Variants in MYT1L observed in about 807,000 individuals in gnomAD.
MYT1L encodes the protein myelin transcription factor 1-like protein.
In MYT1L, 12 loss-of-function variants were observed where a neutral mutation model predicts 126.7. The observed-to-expected ratio is 0.09, with a 90% CI of 0.06 to 0.15. MYT1L has a LOEUF of 0.15. Ranked by LOEUF, MYT1L falls within the 10% of genes least tolerant of loss-of-function variation. The probability of loss-of-function intolerance (pLI) is 1.00; values close to 1 mark genes in which losing one functional copy is unlikely to be tolerated. For synonymous variants in MYT1L, 541 were observed against 604.2 expected (o/e 0.90, Z 1.53); for missense variants, 979 against 1,585.2 (o/e 0.62, Z 6.49).
At chr2:2,135,118 C>G (rs1276873116) in intron 3 of MYT1L, among the ~76,000 whole-genome samples, 4 of 152,162 alleles carry the variant, frequency 2.6e-5, no homozygotes, top group Non-Finnish European at 5.9e-5. Flanking sequence ...ATCAAGCTAT[C>G]TGTGTGATAT....
At chr2:1,892,015 C>T (rs1437945718) in intron 15 of MYT1L, 22 bp downstream of exon 15, 2 of 1,491,336 alleles carry the variant, frequency 1.3e-6, no homozygotes. Context: ...CCAGGTGGCT[C>T]CACCTGCCCA....
chr2:1,934,055 A>G (rs1355588751), intron 9 of MYT1L, among the ~76,000 whole-genome samples: 3 of 148,604 alleles, frequency 2.0e-5, no homozygotes, highest in Admixed American at 6.7e-5. Context: ...GCTCACTGCA[A>G]GCTCCGCCTC....
chr2:2,145,006 G>T (rs984031766), intron 3 of MYT1L, among the ~76,000 whole-genome samples: 5 of 152,184 alleles, frequency 3.3e-5, no homozygotes, highest in African/African-American at 9.7e-5. Flanking sequence ...TGATCATGAA[G>T]ACTATCTTAA....
At chr2:1,913,302 T>C (rs1167455533) in intron 11 of MYT1L, among the ~76,000 whole-genome samples, 1 of 152,148 alleles carries the variant, frequency 6.6e-6, no homozygotes, top group Non-Finnish European at 1.5e-5. Flanking sequence ...TCCTGGCTTG[T>C]CCTGGATGTG....
Position 1,865,775 on chromosome 2 carries a change from A to G in MYT1L, c.2712-14072T>C, listed in dbSNP as rs967382258. Among the ~76,000 whole-genome samples, 12 of 152,186 alleles carry G rather than the reference A, an allele frequency of 7.9e-5. No homozygotes were observed. The East Asian group carries it at 1.5e-3, about 20-fold the overall frequency. ...CCAGCACTTAGTACATGCTCAGTAC[A>G]CAAGGCGCGTGGTGGGTTAGACGAC... On this transcript the variant is annotated intron_variant, in intron 18 of 24. Transcript: ENST00000647738.
rs1377145851 is a variant in MYT1L at position 1,848,168 on chromosome 2, C to G, written c.2774+3473G>C. Among the ~76,000 whole-genome samples the G allele has an allele frequency of 6.6e-6, 1 of 152,214 alleles. No homozygotes were observed. The highest frequency in any genetic ancestry group is 1.9e-4 in the East Asian group (1 of 5,206). Reference sequence around the variant, plus strand: ...TTCCCAGAATGGGCCCAGGAGAAGGCTGGGGCTTGGCCTCAGTTTTCTCTC... The same window carrying G: ...TTCCCAGAATGGGCCCAGGAGAAGGGTGGGGCTTGGCCTCAGTTTTCTCTC... On this transcript the variant is annotated intron_variant, in intron 19 of 24. Transcript: ENST00000647738. This position sits in a 1 kb window ranked among gnomAD's most constrained non-coding sequence, Gnocchi z 4.8.
rs1056356633 is a variant in MYT1L at position 1,917,080 on chromosome 2, T to G, written c.1618+125A>C. 1.6e-6 allele frequency: 2 copies of G among 1,233,778 alleles called. No homozygotes were observed. The highest frequency in any genetic ancestry group is 2.4e-5 in the East Asian group (1 of 42,304). The allele number at this position is 1,233,778 out of a possible 1,614,324, so 76.4% of individuals were successfully genotyped here. On this transcript the variant is annotated intron_variant, in intron 11 of 24. Transcript: ENST00000647738. The surrounding 1 kb of genome is among the most constrained non-coding windows in gnomAD (Gnocchi z 5.9). ...TGGATCAGTTGCCCATCAAGTTAAG[T>G]AGGGGCCTAGTTAAATCAGGTCGCA...
chr2:2,285,541 C>A (rs2095507618), intron 1 of MYT1L, among the ~76,000 whole-genome samples: 2 of 152,204 alleles, frequency 1.3e-5, no homozygotes, highest in South Asian at 4.1e-4. Flanking sequence ...ACATGAAATT[C>A]TTCTATGCTT....
chr2:2,005,129 T>C (rs1042075973), intron 4 of MYT1L, among the ~76,000 whole-genome samples: 1 of 151,466 alleles, frequency 6.6e-6, no homozygotes, highest in Non-Finnish European at 1.5e-5. Context: ...CCTTCTTTCC[T>C]GCATGCATTC....
At chr2:2,042,073 C>T (rs957141179) in intron 4 of MYT1L, among the ~76,000 whole-genome samples, 2 of 152,110 alleles carry the variant, frequency 1.3e-5, no homozygotes, top group African/African-American at 4.8e-5. Flanking sequence ...AAGCCAGAGA[C>T]ATTCAGTGGC....
At chr2:2,153,057 G>A (rs966995981) in intron 3 of MYT1L, among the ~76,000 whole-genome samples, 6 of 152,164 alleles carry the variant, frequency 3.9e-5, no homozygotes, top group African/African-American at 1.4e-4. Flanking sequence ...CAGCACTTTG[G>A]GAGACTAAGG....
chr2:2,323,441 A>G (rs767981426), intron 1 of MYT1L, among the ~76,000 whole-genome samples: 21 of 152,346 alleles, frequency 1.4e-4, no homozygotes, highest in Non-Finnish European at 2.9e-4. Context: ...AGCAGGTGAA[A>G]TAATTAGGTC....
intron 8 of MYT1L, among the ~76,000 whole-genome samples, chr2:1,958,056 G>C (rs2058654246): frequency 6.6e-6 from 1 of 152,146 alleles, no homozygotes; most frequent in Non-Finnish European, 1.5e-5. Flanking sequence ...ATGCGTTTTT[G>C]CTGGAGTGTC....
intron 3 of MYT1L, among the ~76,000 whole-genome samples, chr2:2,109,055 T>C (rs1051745403): frequency 6.6e-6 from 1 of 152,188 alleles, no homozygotes; most frequent in Admixed American, 6.5e-5. Flanking sequence ...CATTAGCCAA[T>C]CCTTAGTTGC....
At chr2:2,195,269 G>A (rs563193153) in intron 2 of MYT1L, among the ~76,000 whole-genome samples, 2 of 152,328 alleles carry the variant, frequency 1.3e-5, no homozygotes, top group East Asian at 1.9e-4. Flanking sequence ...TAAGATTCAT[G>A]GCCTCCTGAG....
intron 3 of MYT1L, among the ~76,000 whole-genome samples, chr2:2,167,371 C>G (rs926168165): frequency 1.3e-5 from 2 of 152,164 alleles, no homozygotes; most frequent in African/African-American, 4.8e-5. Flanking sequence ...GCCCACCACA[C>G]ACACCTTCAC....
chr2:2,292,376 T>C (rs2095612467), intron 1 of MYT1L, among the ~76,000 whole-genome samples: 1 of 152,230 alleles, frequency 6.6e-6, no homozygotes, highest in Admixed American at 6.5e-5. Context: ...AAAAAGTCCT[T>C]GTGAAATGCA....
chr2:2,326,799 C>A (rs2096250413), intron 1 of MYT1L: 1 of 152,150 alleles, frequency 6.6e-6, no homozygotes, highest in Non-Finnish European at 1.5e-5. Context: ...GATGTCAAAG[C>A]CAAAAACACT....
chr2:2,158,746 A>G (rs2148398683), intron 3 of MYT1L, among the ~76,000 whole-genome samples: 1 of 152,168 alleles, frequency 6.6e-6, no homozygotes, highest in East Asian at 1.9e-4. Context: ...TTGGATATAA[A>G]GACCTTAATA....
Sources: allele counts gnomAD v4.1 joint callset (sites outside exome capture counted in the v4.1 genomes callset), GRCh38; gene constraint gnomAD v4.1.1; non-coding constraint Gnocchi (gnomAD v3.1); transcripts MANE v1.5; gene names NCBI Gene and HGNC (gene_info 2026-07-23, HGNC 2026-07-21).